Variants in CBX5 observed in about 807,000 individuals in gnomAD.
The protein encoded by CBX5 is chromobox 5.
A neutral mutation model predicts 20.7 loss-of-function variants in CBX5; 7 were observed. That is an observed-to-expected ratio of 0.34 (90% CI 0.19 to 0.63). The LOEUF (loss-of-function observed/expected upper bound fraction) is 0.63, where lower values mean the gene tolerates loss of function less well. CBX5 is among the 30% of genes least tolerant of loss of function. The pLI is 0.75. For missense variants in CBX5, 110 were observed against 224.1 expected, an observed-to-expected ratio of 0.49 and a Z score of 3.25; for synonymous variants, 78 against 77.0, an observed-to-expected ratio of 1.01 and a Z score of -0.07.
At chr12:54,263,664 G>T (rs1943931122) in intron 1 of CBX5, among the ~76,000 whole-genome samples, 1 of 150,446 alleles carries the variant, frequency 6.6e-6, no homozygotes, top group South Asian at 2.1e-4. Flanking sequence ...ACTCAGGAGG[G>T]TGAGGCAGGA....
rs1039799602 is a variant in CBX5, at chr12:54,234,869, A to T, written c.*6886T>A. On this transcript the variant is annotated 3_prime_UTR_variant, in exon 5 of 5. Coordinates refer to ENST00000209875, the MANE Select transcript of CBX5 (RefSeq NM_012117.3). ...TTAGATGAAATGAGGATCAGAATGA[A>T]AAGGCAAGAGAACAAGCTGTCAATG... is the stretch of plus-strand genomic sequence containing the variant. The T allele has an allele frequency of 1.3e-5, 2 of 152,240 alleles. No homozygotes were observed. Among genetic ancestry groups the T allele is most frequent in the African/African-American group, 4.8e-5 (2 of 41,458 alleles). 9.4% of individuals were successfully genotyped at this position (152,240 alleles called of 1,614,324 possible).
intron 4 of CBX5, among the ~76,000 whole-genome samples, chr12:54,244,862 TTAGACA>T (rs1278753539): frequency 6.6e-6 from 1 of 152,158 alleles, no homozygotes; most frequent in Non-Finnish European, 1.5e-5. Flanking sequence ...TTTTTCTCTT[TTAGACA>T]TTATTCAGCA....
At chr12:54,271,674 C>G (rs1181319714) in intron 1 of CBX5, among the ~76,000 whole-genome samples, 7 of 152,172 alleles carry the variant, frequency 4.6e-5, no homozygotes, top group Non-Finnish European at 2.9e-5. Context: ...TTATTATTAG[C>G]TTTTAGGACA....
intron 2 of CBX5, among the ~76,000 whole-genome samples, chr12:54,256,658 G>C (rs1943865402): frequency 6.6e-6 from 1 of 152,132 alleles, no homozygotes; most frequent in South Asian, 2.1e-4. Flanking sequence ...AGATTTTCAA[G>C]TCTTAGCACA....
chr12:54,255,102 C>T (rs1314806263), intron 2 of CBX5, among the ~76,000 whole-genome samples: 2 of 152,112 alleles, frequency 1.3e-5, no homozygotes, highest in African/African-American at 2.4e-5. Context: ...CTTCAGTTTC[C>T]ACCCAAAAGA....
chr12:54,246,925 C>G (rs1358445624), intron 3 of CBX5, among the ~76,000 whole-genome samples: 2 of 152,112 alleles, frequency 1.3e-5, no homozygotes, highest in Non-Finnish European at 2.9e-5. Flanking sequence ...CATGTTTACC[C>G]TAACTGTATC....
chr12:54,261,139 C>T (rs1943912767), intron 1 of CBX5, among the ~76,000 whole-genome samples: 3 of 145,990 alleles, frequency 2.1e-5, no homozygotes, highest in African/African-American at 5.1e-5. Flanking sequence ...TGCAGTGAGC[C>T]GAGACTGCGC....
At chr12:54,276,227 G>A (rs1354413387) in intron 1 of CBX5, among the ~76,000 whole-genome samples, 1 of 151,884 alleles carries the variant, frequency 6.6e-6, no homozygotes, top group African/African-American at 2.4e-5. Context: ...TCCTTGATGG[G>A]GTTATGTCCT....
At chr12:54,254,390 T>TA (rs1197279487) in intron 2 of CBX5, among the ~76,000 whole-genome samples, 9 of 136,550 alleles carry the variant, frequency 6.6e-5, no homozygotes, top group African/African-American at 2.2e-4. Context: ...ACACATGCCA[T>TA]AATAACCTGA....
Position 54,239,742 on chromosome 12 carries a change from C to T in CBX5, c.*2013G>A, listed in dbSNP as rs1016542252. On this transcript the variant is annotated 3_prime_UTR_variant, in exon 5 of 5. Transcript: ENST00000209875. Reference sequence around the variant, plus strand: ...TCACATTACCATTCAGAAGGATTTTCCTGGCTGACTTAAACCAAAAGCTTC... The same window carrying T: ...TCACATTACCATTCAGAAGGATTTTTCTGGCTGACTTAAACCAAAAGCTTC... 6.6e-6 allele frequency: 1 copy of T among 152,214 alleles called. No individual in the cohort carries two copies. Among genetic ancestry groups the T allele is most frequent in the Admixed American group, 6.5e-5 (1 of 15,278 alleles). 9.4% of individuals were successfully genotyped at this position (152,214 alleles called of 1,614,324 possible).
rs1943649825 is a variant in CBX5, at chr12:54,238,955, G to C, written c.*2800C>G. 1 of 152,236 alleles carries C rather than the reference G, an allele frequency of 6.6e-6. No individual in the cohort carries two copies. Among genetic ancestry groups the C allele is most frequent in the Admixed American group, 6.5e-5 (1 of 15,284 alleles). The allele number at this position is 152,236 out of a possible 1,614,324, so 9.4% of individuals were successfully genotyped here. A position where few individuals can be genotyped will look rare whatever the true frequency, so the allele number is the denominator to read the frequency against. On this transcript the variant is annotated 3_prime_UTR_variant, in exon 5 of 5. Transcript: ENST00000209875. ...CTCTTCTGAGGGGAGAAAGCTCCATGAAACAGGTTTCTGTTTGAGGCTGTA... is the reference window on the plus strand; with the variant it reads ...CTCTTCTGAGGGGAGAAAGCTCCATCAAACAGGTTTCTGTTTGAGGCTGTA...
intron 1 of CBX5, among the ~76,000 whole-genome samples, chr12:54,261,781 A>C (rs1001340509): frequency 2.2e-4 from 34 of 152,348 alleles, no homozygotes; most frequent in Admixed American, 3.3e-4. Context: ...CTGAGTAAAT[A>C]AATTTTCCAT....
intron 1 of CBX5, among the ~76,000 whole-genome samples, chr12:54,267,116 CCTCTT>C (rs1469781085): frequency 6.6e-6 from 1 of 152,178 alleles, no homozygotes; most frequent in Non-Finnish European, 1.5e-5. Context: ...CACATCCACT[CCTCTT>C]AAGTGTAATG....
rs1198630017 is a variant in CBX5 at position 54,241,268 on chromosome 12, C to T, written c.*487G>A. On this transcript the variant is annotated 3_prime_UTR_variant, in exon 5 of 5. Transcript: ENST00000209875. ...GAAAGCCCCAACAGGTAGGCAGTTG[C>T]TATTGGCTTTTTAACAGATGGGCAA... 1 of 152,546 alleles carries T rather than the reference C, an allele frequency of 6.6e-6. No individual in the cohort carries two copies. The highest frequency in any genetic ancestry group is 1.5e-5 in the Non-Finnish European group (1 of 68,352). 9.4% of individuals were successfully genotyped at this position (152,546 alleles called of 1,614,324 possible).
chr12:54,247,274 G>C (rs980182944), intron 3 of CBX5, among the ~76,000 whole-genome samples: 1 of 152,042 alleles, frequency 6.6e-6, no homozygotes, highest in African/African-American at 2.4e-5. Context: ...AACTGGCCTG[G>C]TGCAGTGACT....
chr12:54,259,487 G>C (rs958100402), intron 1 of CBX5: 2 of 152,616 alleles, frequency 1.3e-5, no homozygotes, highest in African/African-American at 4.8e-5. Flanking sequence ...GAAAATGAAT[G>C]GGGGTTCCCT....
rs528328818 is a variant in CBX5 at position 54,267,662 on chromosome 12, C to T, written c.-42-9970G>A. Among the ~76,000 whole-genome samples, 9 of 152,204 alleles carry T rather than the reference C, an allele frequency of 5.9e-5. No individual in the cohort carries two copies. The South Asian group carries it at 1.9e-3, about 32-fold the overall frequency. ...GAGTAGCTGGAACTACAGGCGCCCG[C>T]CACCACGCCCGGCTAATTTTTTTTG... On this transcript the variant is annotated intron_variant, in intron 1 of 4. Coordinates refer to ENST00000209875, the MANE Select transcript of CBX5 (RefSeq NM_012117.3).
intron 1 of CBX5, among the ~76,000 whole-genome samples, chr12:54,279,463 A>AC (rs1944589409): frequency 1.3e-5 from 2 of 151,656 alleles, no homozygotes; most frequent in Admixed American, 1.3e-4. Context: ...TAAAACATCC[A>AC]CCCTCACACG....
At chr12:54,246,796 A>G (rs537214606) in intron 3 of CBX5, among the ~76,000 whole-genome samples, 179 of 151,834 alleles carry the variant, frequency 1.2e-3, no homozygotes, top group African/African-American at 3.9e-3. Flanking sequence ...AAAAAAAAAA[A>G]AAAAGAAAAG....
Sources: allele counts gnomAD v4.1 joint callset (sites outside exome capture counted in the v4.1 genomes callset), GRCh38; gene constraint gnomAD v4.1.1; transcripts MANE v1.5; gene names NCBI Gene and HGNC (gene_info 2026-07-23, HGNC 2026-07-21).